Variants in MOGAT1 observed in about 807,000 individuals in gnomAD.
MOGAT1 encodes 2-acylglycerol O-acyltransferase 1.
Under a neutral mutation model 31.4 loss-of-function variants are expected in MOGAT1, and 32 were observed. The observed-to-expected ratio is 1.02, with a 90% CI of 0.77 to 1.37. The LOEUF (loss-of-function observed/expected upper bound fraction) is 1.37, where lower values mean the gene tolerates loss of function less well. Among genes scored for constraint, MOGAT1 ranks in the 40% most tolerant of loss-of-function variants. The pLI is 0.00. For synonymous variants in MOGAT1, 145 were observed against 144.5 expected, an observed-to-expected ratio of 1.00 and a Z score of -0.03; for missense variants, 426 against 402.0, an observed-to-expected ratio of 1.06 and a Z score of -0.51.
chr2:222,694,128 A>G (rs1692806506), intron 3 of MOGAT1, among the ~76,000 whole-genome samples: 1 of 152,180 alleles, frequency 6.6e-6, no homozygotes, highest in South Asian at 2.1e-4. Flanking sequence ...AGACCTAGTA[A>G]TGACTGAATG....
Position 222,671,739 on chromosome 2 carries a change from G to T in MOGAT1, c.-47G>T, listed in dbSNP as rs1050614183. 1.4e-6 allele frequency: 2 copies of T among 1,464,170 alleles called. No individual in the cohort carries two copies. Among genetic ancestry groups the T allele is most frequent in the African/African-American group, 2.8e-5 (2 of 71,330 alleles). The allele number at this position is 1,464,170 out of a possible 1,614,324, so 90.7% of individuals were successfully genotyped here. A position where few individuals can be genotyped will look rare whatever the true frequency, so the allele number is the denominator to read the frequency against. ...CTTCCCACAGGCGCCGCAGAGCAGCGTGGGTGCAGGCTGCAGTGGCTGGCG... is the reference window on the plus strand; with the variant it reads ...CTTCCCACAGGCGCCGCAGAGCAGCTTGGGTGCAGGCTGCAGTGGCTGGCG... On this transcript the variant is annotated 5_prime_UTR_variant, in exon 1 of 6. Coordinates refer to ENST00000446656, the MANE Select transcript of MOGAT1 (RefSeq NM_058165.3).
intron 5 of MOGAT1, among the ~76,000 whole-genome samples, chr2:222,705,958 C>T (rs1408955937): frequency 1.3e-5 from 2 of 152,118 alleles, no homozygotes; most frequent in African/African-American, 4.8e-5. Context: ...CTTCTGGCTT[C>T]ATCCCTAAAA....
At chr2:222,702,810 C>T (rs567941992) in intron 5 of MOGAT1, among the ~76,000 whole-genome samples, 1 of 147,262 alleles carries the variant, frequency 6.8e-6, no homozygotes, top group Non-Finnish European at 1.5e-5. Context: ...GGCAACAGAA[C>T]AAGACTTTGT....
chr2:222,702,275 T>C (rs1400244926), intron 5 of MOGAT1, among the ~76,000 whole-genome samples: 1 of 152,156 alleles, frequency 6.6e-6, no homozygotes, highest in Non-Finnish European at 1.5e-5. Flanking sequence ...TGTAGATTGA[T>C]GGGAAAACAA....
At chr2:222,689,549 G>A (rs1215368615) in intron 3 of MOGAT1, 80 bp downstream of exon 3, 12 of 1,332,022 alleles carry the variant, frequency 9.0e-6, no homozygotes, top group Non-Finnish European at 1.2e-5. Context: ...AGGCCCATGT[G>A]TGTTTATGGT....
chr2:222,683,330 T>A, intron 1 of MOGAT1, among the ~76,000 whole-genome samples: 1 of 151,686 alleles, frequency 6.6e-6, no homozygotes. Flanking sequence ...GTTTGGGAAC[T>A]AGATGGTGGT....
intron 1 of MOGAT1, among the ~76,000 whole-genome samples, chr2:222,677,199 T>C (rs899304231): frequency 2.0e-5 from 3 of 152,332 alleles, no homozygotes; most frequent in Admixed American, 2.0e-4. Context: ...TTATGTTTTG[T>C]CAGTTAAAAG....
chr2:222,701,210 A>T (rs926315110), intron 5 of MOGAT1, among the ~76,000 whole-genome samples: 4 of 151,970 alleles, frequency 2.6e-5, no homozygotes, highest in East Asian at 1.9e-4. Flanking sequence ...AAGTGAGCGG[A>T]GATCGTGCCA....
At chr2:222,694,262 A>C in intron 3 of MOGAT1, 100 bp from the exon 4 acceptor site, 1 of 1,138,606 alleles carries the variant, frequency 8.8e-7, no homozygotes, top group East Asian at 2.7e-5. Context: ...CAGTGTAGGA[A>C]ATTTTGTTAA....
chr2:222,708,628 A>G (rs1693042814), intron 5 of MOGAT1, among the ~76,000 whole-genome samples: 1 of 152,154 alleles, frequency 6.6e-6, no homozygotes, highest in Non-Finnish European at 1.5e-5. Context: ...TTAGAGTGAA[A>G]TTTCCCCATC....
At position 222,696,610 on chromosome 2, in the gene MOGAT1, T is replaced by G. The variant is rs927111748; in HGVS notation, c.853+1322T>G. Among the ~76,000 whole-genome samples, 5 of 152,200 alleles carry G rather than the reference T, an allele frequency of 3.3e-5. No homozygotes were observed. The South Asian group carries it at 1.0e-3, about 32-fold the overall frequency. On this transcript the variant is annotated intron_variant, in intron 5 of 5. Transcript: ENST00000446656. The stretch of plus-strand genomic sequence containing the variant: ...TGTCCTTAGCCCTTTTTGATGGGAT[T>G]GTTTGTTTTGTTCTTGCTGATTTAT...
intron 4 of MOGAT1, among the ~76,000 whole-genome samples, chr2:222,694,808 C>T (rs1692817187): frequency 1.3e-5 from 2 of 152,160 alleles, no homozygotes; most frequent in South Asian, 4.2e-4. Flanking sequence ...GTGTAATTTT[C>T]CAGCCAAATC....
At chr2:222,676,287 T>A (rs1358052587) in intron 1 of MOGAT1, among the ~76,000 whole-genome samples, 3 of 152,078 alleles carry the variant, frequency 2.0e-5, no homozygotes, top group African/African-American at 7.2e-5. Context: ...CTGTGCCTGA[T>A]CTGATCTGAT....
intron 1 of MOGAT1, among the ~76,000 whole-genome samples, chr2:222,679,897 T>C (rs114354424): frequency 7.2e-5 from 11 of 152,220 alleles, no homozygotes; most frequent in African/African-American, 2.7e-4. Context: ...AATAAGGAAG[T>C]CTGCTTTGCT....
At chr2:222,680,187 C>T (rs1692556528) in intron 1 of MOGAT1, among the ~76,000 whole-genome samples, 1 of 152,194 alleles carries the variant, frequency 6.6e-6, no homozygotes. Flanking sequence ...TACATTTTAA[C>T]ATTACGCAAG....
Position 222,688,387 on chromosome 2 carries a change from C to T in MOGAT1, c.138C>T (p.Asn46=), listed in dbSNP as rs780768340. 1.2e-5 allele frequency: 19 copies of T among 1,612,966 alleles called. No individual in the cohort carries two copies. The South Asian group carries it at 2.0e-4, about 17-fold the overall frequency. ...IGITVMLIIH[N]YLFLYIPYLM... is the part of the protein sequence containing the mutation. ...TCACTGTGATGCTGATCATACACAA[C>T]TATTTGTTCCTTTACATCCCTTATT... is the stretch of plus-strand genomic sequence containing the variant. Residue 46 remains asparagine, a synonymous_variant, in exon 2 of 6, where the codon AAC becomes AAT. Transcript: ENST00000446656.
intron 3 of MOGAT1, among the ~76,000 whole-genome samples, chr2:222,691,411 G>A (rs1030577960): frequency 1.3e-5 from 2 of 151,766 alleles, no homozygotes; most frequent in African/African-American, 4.8e-5. Context: ...GTTTCACCAT[G>A]TTAGCCAGGC....
intron 5 of MOGAT1, among the ~76,000 whole-genome samples, chr2:222,697,854 C>G (rs976174634): frequency 6.6e-6 from 1 of 151,722 alleles, no homozygotes; most frequent in Admixed American, 6.6e-5. Context: ...GGATTACAGG[C>G]GTGAGCCACC....
At chr2:222,681,602 CATG>C (rs1406218856) in intron 1 of MOGAT1, among the ~76,000 whole-genome samples, 4 of 152,148 alleles carry the variant, frequency 2.6e-5, no homozygotes, top group Non-Finnish European at 5.9e-5. Flanking sequence ...CAGTTACTAA[CATG>C]ATCAGTCACT....
Sources: gnomAD v4.1 joint callset for allele counts (sites outside exome capture counted in the v4.1 genomes callset) on GRCh38, gnomAD v4.1.1 for gene constraint, MANE v1.5 for transcripts, NCBI Gene and HGNC (gene_info 2026-07-23, HGNC 2026-07-21) for gene names.